Variants in FAM13C observed in about 807,000 individuals in gnomAD.
FAM13C encodes family with sequence similarity 13 member C, also known as protein FAM13C.
In FAM13C, 37 loss-of-function variants were observed where a neutral mutation model predicts 73.2. The ratio of observed to expected loss-of-function variants is 0.51; its 90% confidence interval spans 0.39 to 0.67. The LOEUF (loss-of-function observed/expected upper bound fraction) is 0.67. Ranked by LOEUF, FAM13C falls within the 30% of genes least tolerant of loss-of-function variation. The pLI is 0.00. For missense variants in FAM13C, 589 were observed against 715.6 expected, an observed-to-expected ratio of 0.82 and a Z score of 2.02; for synonymous variants, 246 against 260.9, an observed-to-expected ratio of 0.94 and a Z score of 0.55.
intron 4 of FAM13C, among the ~76,000 whole-genome samples, chr10:59,307,696 G>C (rs1848426742): frequency 6.6e-6 from 1 of 152,120 alleles, no homozygotes; most frequent in Non-Finnish European, 1.5e-5. Context: ...ATAAACCAGT[G>C]ATTATCTATG....
At chr10:59,317,565 CA>C (rs1849693538) in intron 4 of FAM13C, among the ~76,000 whole-genome samples, 1 of 151,968 alleles carries the variant, frequency 6.6e-6, no homozygotes, top group South Asian at 2.1e-4. Context: ...TAAATTTGTT[CA>C]ATTTAGCCAT....
At chr10:59,351,479 C>T (rs1241039629) in intron 3 of FAM13C, among the ~76,000 whole-genome samples, 1 of 152,044 alleles carries the variant, frequency 6.6e-6, no homozygotes, top group African/African-American at 2.4e-5. Flanking sequence ...CATTTAAATA[C>T]TAATTGACGT....
intron 3 of FAM13C, among the ~76,000 whole-genome samples, chr10:59,339,166 T>C (rs1247675405): frequency 6.6e-6 from 1 of 152,082 alleles, no homozygotes; most frequent in Non-Finnish European, 1.5e-5. Flanking sequence ...ACACCAGGCG[T>C]TGGCTTTAGG....
rs112840657 is a variant in FAM13C, at chr10:59,321,043, C to T, written c.443+2945G>A. 4.9e-3 allele frequency among the ~76,000 whole-genome samples: 740 copies of T among 152,198 alleles called. 2 individuals are homozygous for T. Among genetic ancestry groups the T allele is most frequent in the Non-Finnish European group, 7.5e-3 (512 of 68,004 alleles). ...CTGATACATGTTTTAGAGATTTTCACTAGAAAAAAATAAACATACATGTAG... is the reference window on the plus strand; with the variant it reads ...CTGATACATGTTTTAGAGATTTTCATTAGAAAAAAATAAACATACATGTAG... On this transcript the variant is annotated intron_variant, in intron 4 of 13. Transcript: ENST00000618804.
intron 3 of FAM13C, among the ~76,000 whole-genome samples, chr10:59,337,391 T>C (rs1401780081): frequency 2.0e-5 from 3 of 152,234 alleles, no homozygotes; most frequent in Non-Finnish European, 4.4e-5. Flanking sequence ...AGAATGTTGC[T>C]GACTGGCTGA....
At chr10:59,333,092 C>G (rs969629683) in intron 3 of FAM13C, among the ~76,000 whole-genome samples, 9 of 152,106 alleles carry the variant, frequency 5.9e-5, no homozygotes, top group Non-Finnish European at 1.3e-4. Flanking sequence ...CCTCCTCCTT[C>G]AGCCTCCAAA....
intron 3 of FAM13C, among the ~76,000 whole-genome samples, chr10:59,334,100 C>T (rs1852389607): frequency 6.6e-6 from 1 of 151,974 alleles, no homozygotes; most frequent in Non-Finnish European, 1.5e-5. Flanking sequence ...CAAGAGATGG[C>T]AGGGGAAATG....
Position 59,352,566 on chromosome 10 carries a change from A to G in FAM13C, c.120-92T>C, listed in dbSNP as rs543449858. 6.7e-6 allele frequency: 9 copies of G among 1,352,576 alleles called. No individual in the cohort carries two copies. The South Asian group carries it at 1.4e-4, about 20-fold the overall frequency. The allele number at this position is 1,352,576 out of a possible 1,614,324, so 83.8% of individuals were successfully genotyped here. A position where few individuals can be genotyped will look rare whatever the true frequency, so the allele number is the denominator to read the frequency against. On this transcript the variant is annotated intron_variant, in intron 2 of 13. Transcript: ENST00000618804. Reference sequence around the variant, plus strand: ...AGGGCTGGAGATATTCATTGCTGCTATATTTATAGGATAGACACCTCGCAA... The same window carrying G: ...AGGGCTGGAGATATTCATTGCTGCTGTATTTATAGGATAGACACCTCGCAA...
chr10:59,354,219 A>G (rs1300902056), intron 2 of FAM13C, among the ~76,000 whole-genome samples: 1 of 152,330 alleles, frequency 6.6e-6, no homozygotes, highest in Non-Finnish European at 1.5e-5. Context: ...TTTCAAGTCA[A>G]TCAAAATTTA....
At chr10:59,332,984 CTTATTTAT>C (rs776356047) in intron 3 of FAM13C, among the ~76,000 whole-genome samples, 125 of 115,214 alleles carry the variant, frequency 1.1e-3, no homozygotes, top group African/African-American at 4.0e-3. Context: ...ATTGTTGTCA[CTTATTTAT>C]TTATTTATTT....
rs1434313441 is a variant in FAM13C at position 59,254,453 on chromosome 10, A to AT, written c.1237-11dup. On this transcript the variant is annotated splice_polypyrimidine_tract_variant and intron_variant, in intron 10 of 13. Transcript: ENST00000618804. ...TGTCTTGCTTAGTTACCTGAAAAAC[A>AT]TGAAATTAATTATTATTCCTCTCTC... 7.0e-7 allele frequency: 1 copy of AT among 1,436,118 alleles called. No homozygotes were observed. The highest frequency in any genetic ancestry group is 9.3e-7 in the Non-Finnish European group (1 of 1,077,372). The allele number at this position is 1,436,118 out of a possible 1,614,324, so 89.0% of individuals were successfully genotyped here. A position where few individuals can be genotyped will look rare whatever the true frequency, so the allele number is the denominator to read the frequency against.
rs11815693 is a variant in FAM13C, at chr10:59,246,650, G to A, written c.*964C>T. ...TAAATATTCTGGCTTCTTTTTCAAGGTATCAGGGCAAACAATTTCCAAACT... is the reference window on the plus strand; with the variant it reads ...TAAATATTCTGGCTTCTTTTTCAAGATATCAGGGCAAACAATTTCCAAACT... On this transcript the variant is annotated 3_prime_UTR_variant, in exon 14 of 14. Transcript: ENST00000618804. 0.11 allele frequency: 44,069 copies of A among 397,452 alleles called. 2,854 individuals carry two copies. Among genetic ancestry groups the A allele is most frequent in the South Asian group, 0.21 (1,622 of 7,846 alleles). The allele number at this position is 397,452 out of a possible 1,614,324, so 24.6% of individuals were successfully genotyped here. A position where few individuals can be genotyped will look rare whatever the true frequency, so the allele number is the denominator to read the frequency against.
intron 3 of FAM13C, among the ~76,000 whole-genome samples, chr10:59,331,366 C>T (rs886153968): frequency 1.3e-5 from 2 of 152,126 alleles, no homozygotes; most frequent in Non-Finnish European, 2.9e-5. Flanking sequence ...TCAAGGCAAA[C>T]ATGTGTAAGT....
At chr10:59,350,616 G>A (rs1432710934) in intron 3 of FAM13C, among the ~76,000 whole-genome samples, 1 of 152,208 alleles carries the variant, frequency 6.6e-6, no homozygotes, top group Non-Finnish European at 1.5e-5. Flanking sequence ...GTTACACTCT[G>A]TTTAAGATCA....
intron 6 of FAM13C, among the ~76,000 whole-genome samples, chr10:59,274,040 A>C (rs757570293): frequency 6.6e-6 from 1 of 152,144 alleles, no homozygotes; most frequent in Non-Finnish European, 1.5e-5. Context: ...CAAAATGCCA[A>C]ACTTCAGCCT....
chr10:59,352,250 TGAGAA>T lies in FAM13C; in HGVS notation c.324+15_324+19del. The T allele has an allele frequency of 1.2e-6, 2 of 1,610,524 alleles. No individual in the cohort carries two copies. The highest frequency in any genetic ancestry group is 4.5e-5 in the East Asian group (2 of 44,848). On this transcript the variant is annotated intron_variant, in intron 3 of 13. Transcript: ENST00000618804. Reference sequence around the variant, plus strand: ...AGAATCACCCGTCTTGGCAAAAGCCTGAGAAGAGAGAGCTGCTACCTGACTTTCTC... The same window carrying T: ...AGAATCACCCGTCTTGGCAAAAGCCTGAGAGAGCTGCTACCTGACTTTCTC...
chr10:59,326,632 G>A (rs1251429923), intron 3 of FAM13C, among the ~76,000 whole-genome samples: 1 of 152,092 alleles, frequency 6.6e-6, no homozygotes, highest in Admixed American at 6.6e-5. Context: ...CATAAGAAAA[G>A]GAATAAAGAT....
chr10:59,265,319 T>TTGC (rs1842919559), intron 8 of FAM13C, among the ~76,000 whole-genome samples: 1 of 2,292 alleles, frequency 4.4e-4, no homozygotes, highest in African/African-American at 5.2e-4. Context: ...GAAGGGGTTT[T>TTGC]GGCGGGGGGG....
chr10:59,347,776 T>G (rs1854510004), intron 3 of FAM13C, among the ~76,000 whole-genome samples: 1 of 150,984 alleles, frequency 6.6e-6, no homozygotes, highest in African/African-American at 2.4e-5. Context: ...GAACATGCAG[T>G]GTTTGGTTTT....
Sources: gnomAD v4.1 joint callset for allele counts (sites outside exome capture counted in the v4.1 genomes callset) on GRCh38, gnomAD v4.1.1 for gene constraint, MANE v1.5 for transcripts, NCBI Gene and HGNC (gene_info 2026-07-23, HGNC 2026-07-21) for gene names.